KCNK5: variants seen among roughly 807,000 people sequenced by gnomAD.
KCNK5 encodes the protein potassium channel subfamily K member 5.
KCNK5 carries 18 observed loss-of-function variants against 32.9 expected under a neutral mutation model. The observed-to-expected ratio is 0.55, with a 90% CI of 0.38 to 0.81. KCNK5 has a LOEUF of 0.81. KCNK5 is among the 30% of genes least tolerant of loss of function. The pLI, the probability that KCNK5 is intolerant of heterozygous loss-of-function variation, is 0.00. For synonymous variants in KCNK5, 276 were observed against 275.3 expected, an observed-to-expected ratio of 1.00 and a Z score of -0.03; for missense variants, 507 against 651.0, an observed-to-expected ratio of 0.78 and a Z score of 2.41.
At chr6:39,196,508 C>T (rs1040699749) in intron 1 of KCNK5, among the ~76,000 whole-genome samples, 1 of 152,190 alleles carries the variant, frequency 6.6e-6, no homozygotes, top group Non-Finnish European at 1.5e-5. Context: ...GAGACCAGGT[C>T]CTTGTTCAGG....
intron 1 of KCNK5, among the ~76,000 whole-genome samples, chr6:39,207,626 G>A (rs1233523516): frequency 2.7e-5 from 4 of 148,102 alleles, no homozygotes; most frequent in Admixed American, 2.7e-4. Flanking sequence ...GATTCCAGAG[G>A]AAGCAGGCAG....
At chr6:39,200,446 T>G (rs1464699321) in intron 1 of KCNK5, among the ~76,000 whole-genome samples, 1 of 152,180 alleles carries the variant, frequency 6.6e-6, no homozygotes, top group Non-Finnish European at 1.5e-5. Flanking sequence ...AGATTCTTGC[T>G]GGGAAGATAC....
At chr6:39,213,304 G>T (rs1292204883) in intron 1 of KCNK5, among the ~76,000 whole-genome samples, 2 of 152,172 alleles carry the variant, frequency 1.3e-5, no homozygotes, top group Admixed American at 1.3e-4. Flanking sequence ...AATGTGAGAG[G>T]CAGAGAAAGA....
At chr6:39,209,931 G>C (rs933707304) in intron 1 of KCNK5, among the ~76,000 whole-genome samples, 6 of 152,184 alleles carry the variant, frequency 3.9e-5, no homozygotes, top group African/African-American at 1.2e-4. Context: ...GGATCAAAAG[G>C]CTCGATAGAG....
chr6:39,203,737 G>C (rs1771171887), intron 1 of KCNK5, among the ~76,000 whole-genome samples: 1 of 152,214 alleles, frequency 6.6e-6, no homozygotes, highest in South Asian at 2.1e-4. Flanking sequence ...GCTATGCCTG[G>C]TCCCCAACTG....
Position 39,228,925 on chromosome 6 carries a change from C to T in KCNK5, c.186+1G>A, listed in dbSNP as rs775695579. On this transcript the variant is annotated splice_donor_variant, in intron 1 of 4. Coordinates refer to ENST00000359534, the MANE Select transcript of KCNK5 (RefSeq NM_003740.4). LOFTEE classifies it high-confidence loss of function. ...ATATGGGGGTACAGGCGGCGACTGA[C>T]CTCTAGGATCTTGTCCAGGCCCTCC... 1 of 1,614,016 alleles carries T rather than the reference C, an allele frequency of 6.2e-7. No homozygotes were observed. Among genetic ancestry groups the T allele is most frequent in the Non-Finnish European group, 8.5e-7 (1 of 1,179,952 alleles).
At chr6:39,222,183 C>G (rs3892126) in intron 1 of KCNK5, among the ~76,000 whole-genome samples, 14,597 of 152,206 alleles carry the variant, frequency 0.096, 871 homozygotes, top group South Asian at 0.18. Context: ...GGTCACCAAA[C>G]GGGAGACGGA....
chr6:39,217,767 C>A (rs549221524), intron 1 of KCNK5, among the ~76,000 whole-genome samples: 1 of 152,166 alleles, frequency 6.6e-6, no homozygotes, highest in South Asian at 2.1e-4. Flanking sequence ...GCTCCTTGGG[C>A]GCAGACGCAG....
rs1415077078 is a variant in KCNK5 at position 39,189,207 on chromosome 6, TGTTGGG to T, written c.*1677_*1682del. 1 of 152,046 alleles carries T rather than the reference TGTTGGG, an allele frequency of 6.6e-6. No individual in the cohort carries two copies. Among genetic ancestry groups the T allele is most frequent in the Non-Finnish European group, 1.5e-5 (1 of 68,008 alleles). 9.4% of individuals were successfully genotyped at this position (152,046 alleles called of 1,614,324 possible). On this transcript the variant is annotated 3_prime_UTR_variant, in exon 5 of 5. Coordinates refer to ENST00000359534, the MANE Select transcript of KCNK5 (RefSeq NM_003740.4). Reference sequence around the variant, plus strand: ...GCACGTGCCCATCACTGTCTTCACATGTTGGGGAGGTGGGCTCTGGCCCCACTGCCC... The same window carrying T: ...GCACGTGCCCATCACTGTCTTCACATGAGGTGGGCTCTGGCCCCACTGCCC...
chr6:39,198,122 T>C (rs1771060220), intron 1 of KCNK5, among the ~76,000 whole-genome samples: 1 of 152,166 alleles, frequency 6.6e-6, no homozygotes, highest in Non-Finnish European at 1.5e-5. Context: ...TTTCAAAGGG[T>C]TGCAAAGCCT....
At chr6:39,228,586 T>C (rs1338872311) in intron 1 of KCNK5, among the ~76,000 whole-genome samples, 3 of 152,108 alleles carry the variant, frequency 2.0e-5, no homozygotes, top group Non-Finnish European at 4.4e-5. Context: ...CAGGGAAAGA[T>C]AAACGCCTTT....
chr6:39,229,231 C>T lies in KCNK5; in HGVS notation c.-120G>A, dbSNP rs1318502649. The stretch of plus-strand genomic sequence containing the variant: ...TTTGGAGCTCCGCATGCGCAGTGCC[C>T]GGTACTCACCCCCCGCAAGCACCGC... On this transcript the variant is annotated 5_prime_UTR_variant, in exon 1 of 5. Coordinates refer to ENST00000359534, the MANE Select transcript of KCNK5 (RefSeq NM_003740.4). 3 of 976,270 alleles carry T rather than the reference C, an allele frequency of 3.1e-6. No homozygotes were observed. The highest frequency in any genetic ancestry group is 3.0e-6 in the Non-Finnish European group (2 of 667,994). 60.5% of individuals were successfully genotyped at this position (976,270 alleles called of 1,614,324 possible).
chr6:39,191,898 AC>A lies in KCNK5; in HGVS notation c.635-144del, dbSNP rs1430798899. 4 of 814,176 alleles carry A rather than the reference AC, an allele frequency of 4.9e-6. No homozygotes were observed. Among genetic ancestry groups the A allele is most frequent in the Non-Finnish European group, 7.6e-6 (4 of 523,946 alleles). 50.4% of individuals were successfully genotyped at this position (814,176 alleles called of 1,614,324 possible). A position where few individuals can be genotyped will look rare whatever the true frequency, so the allele number is the denominator to read the frequency against. On this transcript the variant is annotated intron_variant, in intron 4 of 4. Coordinates refer to ENST00000359534, the MANE Select transcript of KCNK5 (RefSeq NM_003740.4). The surrounding 1 kb of genome is among the most constrained non-coding windows in gnomAD (Gnocchi z 5.8). ...TGGGATAGAAAGGGGCCTGTTCTAG[AC>A]CCTGGACTATCCCATCTTCCTCAAG... is the stretch of plus-strand genomic sequence containing the variant.
chr6:39,221,080 G>A (rs1351716726), intron 1 of KCNK5, among the ~76,000 whole-genome samples: 1 of 152,202 alleles, frequency 6.6e-6, no homozygotes, highest in Non-Finnish European at 1.5e-5. Context: ...CACAGTGTGA[G>A]CTCTGGGTTC....
At chr6:39,192,787 T>C (rs546926251) in intron 4 of KCNK5, among the ~76,000 whole-genome samples, 1 of 152,320 alleles carries the variant, frequency 6.6e-6, no homozygotes, top group African/African-American at 2.4e-5. Context: ...TGAAATGTCG[T>C]TGACGACTAC....
chr6:39,200,728 C>T (rs1296674408), intron 1 of KCNK5, among the ~76,000 whole-genome samples: 3 of 152,226 alleles, frequency 2.0e-5, no homozygotes, highest in South Asian at 4.1e-4. Context: ...CATGTGTGCC[C>T]TTGCCCAGAG....
chr6:39,217,232 C>G (rs1771457201), intron 1 of KCNK5, among the ~76,000 whole-genome samples: 1 of 151,208 alleles, frequency 6.6e-6, no homozygotes, highest in South Asian at 2.1e-4. Context: ...AGTTTCCTGT[C>G]TGTAGTGTGG....
Position 39,229,259 on chromosome 6 carries a change from C to A in KCNK5, c.-148G>T, listed in dbSNP as rs1771727976. 1.2e-6 allele frequency: 1 copy of A among 864,622 alleles called. No individual in the cohort carries two copies. The highest frequency in any genetic ancestry group is 2.8e-5 in the Admixed American group (1 of 36,196). 53.6% of individuals were successfully genotyped at this position (864,622 alleles called of 1,614,324 possible). On this transcript the variant is annotated 5_prime_UTR_variant, in exon 1 of 5. Coordinates refer to ENST00000359534, the MANE Select transcript of KCNK5 (RefSeq NM_003740.4). ...TACTCACCCCCCGCAAGCACCGCTC[C>A]CCGGACAGAGTTGCTTGGCCAAGTT...
intron 1 of KCNK5, among the ~76,000 whole-genome samples, chr6:39,205,069 C>A (rs1467712844): frequency 2.0e-5 from 3 of 152,232 alleles, no homozygotes; most frequent in African/African-American, 7.2e-5. Context: ...AGCTGGGCAT[C>A]CCTCCTGTGA....
Sources: gnomAD v4.1 joint callset for allele counts (sites outside exome capture counted in the v4.1 genomes callset) on GRCh38, gnomAD v4.1.1 for gene constraint, Gnocchi (gnomAD v3.1) non-coding constraint, MANE v1.5 for transcripts, NCBI Gene and HGNC (gene_info 2026-07-23, HGNC 2026-07-21) for gene names.